Variants in MYOCD observed in about 807,000 individuals in gnomAD.
MYOCD encodes myocardin.
MYOCD carries 32 observed loss-of-function variants against 96.1 expected under a neutral mutation model. That is an observed-to-expected ratio of 0.33 (90% CI 0.25 to 0.45). The LOEUF is 0.45. Among genes scored for constraint, MYOCD ranks in the 20% least tolerant of loss-of-function variants. The pLI, the probability that MYOCD is intolerant of heterozygous loss-of-function variation, is 1.00. For synonymous variants in MYOCD, 469 were observed against 469.0 expected, an observed-to-expected ratio of 1.00 and a Z score of 0.00; for missense variants, 1,133 against 1,200.6, an observed-to-expected ratio of 0.94 and a Z score of 0.83.
intron 1 of MYOCD, among the ~76,000 whole-genome samples, chr17:12,670,134 C>T (rs1221619827): frequency 6.6e-6 from 1 of 152,064 alleles, no homozygotes; most frequent in Non-Finnish European, 1.5e-5. Flanking sequence ...GGTGCTCAAG[C>T]AGCAGAGGCT....
chr17:12,669,316 C>G (rs1188752033), intron 1 of MYOCD, among the ~76,000 whole-genome samples: 1 of 152,136 alleles, frequency 6.6e-6, no homozygotes, highest in Non-Finnish European at 1.5e-5. Context: ...ATGGATGTTG[C>G]TTCTAAAGAA....
chr17:12,683,481 G>A (rs1519256), intron 1 of MYOCD, among the ~76,000 whole-genome samples: 2 of 151,556 alleles, frequency 1.3e-5, no homozygotes, highest in Admixed American at 1.3e-4. Context: ...TCTCTCTCCC[G>A]CTCCTTCTCT....
intron 1 of MYOCD, among the ~76,000 whole-genome samples, chr17:12,669,418 C>A (rs951548883): frequency 4.6e-5 from 7 of 152,232 alleles, no homozygotes; most frequent in Admixed American, 3.9e-4. Flanking sequence ...TTGCCATGAA[C>A]TTGACCCCAC....
Position 12,749,717 on chromosome 17 carries a change from A to ACATATATGTATATATATGTGTATG in MYOCD, c.1126-2697_1126-2696insCATATATGTATATATATGTGTATG, listed in dbSNP as rs1555535149. ...TATATGTATACATATGTGTATATATATGTGTGTGTGTATATATATATATGA... is the reference window on the plus strand; with the variant it reads ...TATATGTATACATATGTGTATATATACATATATGTATATATATGTGTATGTGTGTGTGTGTATATATATATATGA... On this transcript the variant is annotated intron_variant, in intron 9 of 13. Coordinates refer to ENST00000425538, the MANE Select transcript of MYOCD (RefSeq NM_001146312.3). 0.018 allele frequency among the ~76,000 whole-genome samples: 2,685 copies of ACATATATGTATATATATGTGTATG among 147,614 alleles called. 131 individuals carry two copies. The East Asian group carries it at 0.19, about 10-fold the overall frequency.
chr17:12,708,973 C>T (rs774219819), intron 2 of MYOCD, among the ~76,000 whole-genome samples: 2 of 152,230 alleles, frequency 1.3e-5, no homozygotes, highest in South Asian at 2.1e-4. Flanking sequence ...AAAAGTGTGT[C>T]GTGCGAAAAT....
At chr17:12,724,814 GTTTCT>G (rs2031949406) in intron 5 of MYOCD, among the ~76,000 whole-genome samples, 1 of 151,872 alleles carries the variant, frequency 6.6e-6, no homozygotes, top group African/African-American at 2.4e-5. Flanking sequence ...GTCTTCACAA[GTTTCT>G]TTACATTTGT....
At chr17:12,726,905 T>C (rs747967240) in intron 5 of MYOCD, among the ~76,000 whole-genome samples, 4 of 152,160 alleles carry the variant, frequency 2.6e-5, no homozygotes, top group South Asian at 2.1e-4. Flanking sequence ...ATTTTGCCCA[T>C]GATTATTTGT....
chr17:12,763,336 G>T lies in MYOCD; in HGVS notation c.2653G>T (p.Gly885Trp). Residue 885 changes from glycine to tryptophan, a missense_variant, in exon 14 of 14, where the codon GGG becomes TGG. Transcript: ENST00000425538. Reference sequence around the variant, plus strand: ...TGGGAGCGAAGAGCCTCACTTTGATGGGATAATGGATGGATTCTCTGGGAA... The same window carrying T: ...TGGGAGCGAAGAGCCTCACTTTGATTGGATAATGGATGGATTCTCTGGGAA... ...KIGSEEPHFD[G>W]IMDGFSGKAA... 1 of 1,605,564 alleles carries T rather than the reference G, an allele frequency of 6.2e-7. No homozygotes were observed.
chr17:12,717,294 T>C (rs376272243), intron 3 of MYOCD, 52 bp from the exon 4 acceptor site: 5 of 1,304,286 alleles, frequency 3.8e-6, no homozygotes, highest in Non-Finnish European at 5.5e-6. Context: ...TGAGATAAAT[T>C]GAGTTTTTTA....
chr17:12,697,137 G>A (rs2030792526), intron 1 of MYOCD, among the ~76,000 whole-genome samples: 1 of 151,778 alleles, frequency 6.6e-6, no homozygotes. Flanking sequence ...CAGTACCCCA[G>A]CTAACAATCC....
chr17:12,693,072 C>A (rs536993121), intron 1 of MYOCD, among the ~76,000 whole-genome samples: 1 of 152,192 alleles, frequency 6.6e-6, no homozygotes, highest in East Asian at 1.9e-4. Context: ...CTATACTTGA[C>A]CCACAAGTTT....
rs116782351 is a variant in MYOCD at position 12,666,751 on chromosome 17, C to T, written c.55+508C>T. Reference sequence around the variant, plus strand: ...ACACCAAGTATTTAAAATGACATCACTGTAGAAAAAAAAAGAAAGCCCAGT... The same window carrying T: ...ACACCAAGTATTTAAAATGACATCATTGTAGAAAAAAAAAGAAAGCCCAGT... On this transcript the variant is annotated intron_variant, in intron 1 of 13. Coordinates refer to ENST00000425538, the MANE Select transcript of MYOCD (RefSeq NM_001146312.3). Among the ~76,000 whole-genome samples the T allele has an allele frequency of 3.1e-3, 468 of 152,074 alleles. 1 individual carries two copies. The highest frequency in any genetic ancestry group is 9.5e-3 in the African/African-American group (393 of 41,450).
At chr17:12,707,096 A>G (rs974677678) in intron 2 of MYOCD, among the ~76,000 whole-genome samples, 2 of 152,144 alleles carry the variant, frequency 1.3e-5, no homozygotes, top group African/African-American at 4.8e-5. Context: ...GAAGCTAGAG[A>G]TAGGATGCAT....
At chr17:12,717,483 G>C (rs1240088262) in intron 4 of MYOCD, 62 bp downstream of exon 4, 1 of 1,347,198 alleles carries the variant, frequency 7.4e-7, no homozygotes, top group Admixed American at 1.8e-5. Flanking sequence ...TTTTCCCAGA[G>C]TTACTTGTCT....
At chr17:12,707,777 C>A (rs1459553625) in intron 2 of MYOCD, among the ~76,000 whole-genome samples, 1 of 151,982 alleles carries the variant, frequency 6.6e-6, no homozygotes, top group East Asian at 1.9e-4. Context: ...ATCCAGTGTG[C>A]AACTCATTAC....
At position 12,740,369 on chromosome 17, in the gene MYOCD, C is replaced by T. The variant is rs186916142; in HGVS notation, c.717+1041C>T. On this transcript the variant is annotated intron_variant, in intron 7 of 13. Coordinates refer to ENST00000425538, the MANE Select transcript of MYOCD (RefSeq NM_001146312.3). ...CCCAAATTCCATTACATAATTCTTA[C>T]GCCTCTGCATCCTCATAGCTTAGTT... is the stretch of plus-strand genomic sequence containing the variant. 1.6e-4 allele frequency among the ~76,000 whole-genome samples: 25 copies of T among 152,332 alleles called. No individual in the cohort carries two copies. In the East Asian group the frequency reaches 4.4e-3, roughly 27 times the overall value.
chr17:12,727,154 CAG>C (rs2032022665), intron 5 of MYOCD, among the ~76,000 whole-genome samples: 1 of 152,080 alleles, frequency 6.6e-6, no homozygotes, highest in African/African-American at 2.4e-5. Context: ...AACATAGAAA[CAG>C]GGAATCTGTG....
intron 9 of MYOCD, 79 bp from the exon 10 acceptor site, chr17:12,752,335 T>G (rs989741405): frequency 8.0e-7 from 1 of 1,252,422 alleles, no homozygotes; most frequent in Non-Finnish European, 1.1e-6. Flanking sequence ...TGTGATGTTT[T>G]GAAGCTAATT....
intron 3 of MYOCD, among the ~76,000 whole-genome samples, chr17:12,716,592 C>T (rs942630994): frequency 3.3e-5 from 5 of 152,032 alleles, no homozygotes; most frequent in African/African-American, 7.2e-5. Flanking sequence ...AGAAGTCAAG[C>T]GAATAACGGG....
Sources: allele counts gnomAD v4.1 joint callset (sites outside exome capture counted in the v4.1 genomes callset), GRCh38; gene constraint gnomAD v4.1.1; transcripts MANE v1.5; gene names NCBI Gene and HGNC (gene_info 2026-07-23, HGNC 2026-07-21).